The following TMEM165 variants were observed in gnomAD, a reference collection of about 807,000 sequenced individuals.
TMEM165 encodes the protein putative divalent cation/proton antiporter TMEM165.
A neutral mutation model predicts 30.0 loss-of-function variants in TMEM165; 19 were observed. That is an observed-to-expected ratio of 0.63 (90% CI 0.44 to 0.93). The LOEUF is 0.93. Among genes scored for constraint, TMEM165 ranks in the 40% least tolerant of loss-of-function variants. The probability of loss-of-function intolerance (pLI) is 0.00; values close to 1 mark genes in which losing one functional copy is unlikely to be tolerated. For synonymous variants in TMEM165, 168 were observed against 162.9 expected (o/e 1.03, Z -0.24); for missense variants, 340 against 417.0 (o/e 0.82, Z 1.61).
intron 3 of TMEM165, among the ~76,000 whole-genome samples, chr4:55,436,397 C>T (rs903841550): frequency 6.6e-6 from 1 of 152,112 alleles, no homozygotes; most frequent in African/African-American, 2.4e-5. Context: ...AATAGATGAG[C>T]CTCTGTTCCT....
intron 3 of TMEM165, chr4:55,442,720 T>C (rs1723473292): frequency 1.9e-5 from 22 of 1,137,854 alleles, no homozygotes; most frequent in Non-Finnish European, 2.8e-5. Flanking sequence ...TCTAACAATA[T>C]GACAATATGA....
intron 4 of TMEM165, among the ~76,000 whole-genome samples, chr4:55,418,563 A>T (rs1397318167): frequency 1.3e-5 from 2 of 151,972 alleles, no homozygotes; most frequent in Non-Finnish European, 2.9e-5. Flanking sequence ...CATGTGTTAC[A>T]CTAAAGAAAT....
At chr4:55,402,002 C>T (rs1578228911) in intron 1 of TMEM165, among the ~76,000 whole-genome samples, 1 of 148,444 alleles carries the variant, frequency 6.7e-6, no homozygotes, top group East Asian at 1.9e-4. Flanking sequence ...CCTGTAATCC[C>T]AGCTACTCAG....
intron 3 of TMEM165, chr4:55,449,465 G>A: frequency 6.2e-7 from 1 of 1,614,006 alleles, no homozygotes; most frequent in Non-Finnish European, 8.5e-7. Flanking sequence ...TGGGTGGAGT[G>A]CTCGTATCCG....
At chr4:55,417,583 TGTTTG>T in intron 3 of TMEM165, 1 of 575,056 alleles carries the variant, frequency 1.7e-6, no homozygotes, top group Non-Finnish European at 3.0e-6. Context: ...CAGTAAATAC[TGTTTG>T]GTTTGTTCAG....
intron 3 of TMEM165, among the ~76,000 whole-genome samples, chr4:55,448,590 G>A (rs920806081): frequency 1.9e-4 from 15 of 80,978 alleles, no homozygotes; most frequent in African/African-American, 4.4e-4. Context: ...ATGTGCGCGC[G>A]CGCACGCGCG....
intron 1 of TMEM165, among the ~76,000 whole-genome samples, chr4:55,409,900 C>T (rs924151727): frequency 6.6e-6 from 1 of 152,142 alleles, no homozygotes; most frequent in Non-Finnish European, 1.5e-5. Context: ...CTCTTAGGAC[C>T]GTATGGATTG....
chr4:55,447,729 T>A (rs1012482125), intron 3 of TMEM165, among the ~76,000 whole-genome samples: 1 of 152,184 alleles, frequency 6.6e-6, no homozygotes, highest in Non-Finnish European at 1.5e-5. Context: ...TCCTATCATA[T>A]ATGTATGACT....
intron 4 of TMEM165, among the ~76,000 whole-genome samples, chr4:55,418,669 A>G (rs980687985): frequency 6.6e-6 from 1 of 152,200 alleles, no homozygotes; most frequent in African/African-American, 2.4e-5. Context: ...CTGTTTACAA[A>G]TCTCTGTGTA....
At chr4:55,414,451 T>A (rs1408734501) in intron 2 of TMEM165, among the ~76,000 whole-genome samples, 1 of 152,158 alleles carries the variant, frequency 6.6e-6, no homozygotes, top group African/African-American at 2.4e-5. Context: ...CACTTTTTTT[T>A]TATACTTTAT....
At chr4:55,442,761 T>C in intron 3 of TMEM165, 5 of 834,254 alleles carry the variant, frequency 6.0e-6, no homozygotes, top group Admixed American at 4.1e-5. Context: ...TATATTACTC[T>C]GGGGGAAATA....
In TMEM165 at chr4:55,411,843, AGT is replaced by A. The variant is rs752680823; in HGVS notation, c.433+8_433+9del. Reference sequence around the variant, plus strand: ...GGACTAATGACATGCTTGTCAGGTGAGTGTGCTTTTCCCTCTCATGAGTTCGC... The same window carrying A: ...GGACTAATGACATGCTTGTCAGGTGAGTGCTTTTCCCTCTCATGAGTTCGC... On this transcript the variant is annotated splice_donor_5th_base_variant and intron_variant, in intron 2 of 5. Coordinates refer to ENST00000381334, the MANE Select transcript of TMEM165 (RefSeq NM_018475.5). The A allele has an allele frequency of 1.2e-6, 2 of 1,613,818 alleles. No individual in the cohort carries two copies. The highest frequency in any genetic ancestry group is 1.7e-6 in the Non-Finnish European group (2 of 1,179,868).
intron 3 of TMEM165, among the ~76,000 whole-genome samples, chr4:55,450,472 A>G (rs1330209148): frequency 6.6e-6 from 1 of 152,222 alleles, no homozygotes; most frequent in African/African-American, 2.4e-5. Flanking sequence ...CACCATATAC[A>G]AAAATTAACT....
chr4:55,443,543 A>G (rs1258802198), intron 3 of TMEM165: 1 of 688,184 alleles, frequency 1.5e-6, no homozygotes, highest in Non-Finnish European at 2.5e-6. Flanking sequence ...AAAATATTTT[A>G]ATAATCACTC....
At chr4:55,442,568 G>C (rs1239323620) in intron 3 of TMEM165, 1 of 1,612,238 alleles carries the variant, frequency 6.2e-7, no homozygotes, top group South Asian at 1.1e-5. Context: ...GGGGCTGTAA[G>C]AGTGCTCTGT....
intron 4 of TMEM165, among the ~76,000 whole-genome samples, chr4:55,420,329 A>G (rs1721923475): frequency 6.6e-6 from 1 of 150,802 alleles, no homozygotes; most frequent in South Asian, 2.1e-4. Context: ...ACTCTGTGGC[A>G]TAGACTCTAT....
chr4:55,412,909 TTAAA>T (rs1038690580), intron 2 of TMEM165, among the ~76,000 whole-genome samples: 1 of 152,090 alleles, frequency 6.6e-6, no homozygotes, highest in Non-Finnish European at 1.5e-5. Flanking sequence ...TATTATAAAT[TTAAA>T]TAATCATTTT....
intron 5 of TMEM165, chr4:55,424,887 T>G: frequency 2.2e-6 from 1 of 462,510 alleles, no homozygotes; most frequent in Non-Finnish European, 3.8e-6. Context: ...ACATATTATC[T>G]TAGTAAAACA....
At chr4:55,425,330 GGTATAGGAATTTTACT>G in intron 5 of TMEM165, 30 bp from the exon 6 acceptor site, 1 of 1,489,372 alleles carries the variant, frequency 6.7e-7, no homozygotes, top group Non-Finnish European at 9.3e-7. Context: ...ACAGTATCAA[GGTATAGGAATTTTACT>G]GTATTTGACT....
Sources: allele counts gnomAD v4.1 joint callset (sites outside exome capture counted in the v4.1 genomes callset), GRCh38; gene constraint gnomAD v4.1.1; transcripts MANE v1.5; gene names NCBI Gene and HGNC (gene_info 2026-07-23, HGNC 2026-07-21).